The following PHF20L1 variants were observed in gnomAD, a reference collection of about 807,000 sequenced individuals.
The protein encoded by PHF20L1 is PHD finger protein 20 like 1.
A neutral mutation model predicts 125.5 loss-of-function variants in PHF20L1; 44 were observed. That is an observed-to-expected ratio of 0.35 (90% CI 0.28 to 0.45). The LOEUF (loss-of-function observed/expected upper bound fraction) is 0.45. Among genes scored for constraint, PHF20L1 ranks in the 20% least tolerant of loss-of-function variants. PHF20L1 has a pLI of 1.00. For synonymous variants in PHF20L1, 380 were observed against 403.1 expected (o/e 0.94, Z 0.69); for missense variants, 1,012 against 1,217.2 (o/e 0.83, Z 2.51).
chr8:132,847,000 A>G lies in PHF20L1; in HGVS notation c.*1077A>G, dbSNP rs186361353. 9 of 152,658 alleles carry G rather than the reference A, an allele frequency of 5.9e-5. No individual in the cohort carries two copies. The highest frequency in any genetic ancestry group is 1.3e-4 in the Admixed American group (2 of 15,274). The allele number at this position is 152,658 out of a possible 1,614,324, so 9.5% of individuals were successfully genotyped here. ...AAATACATGCACACTCAAAACTTTT[A>G]GCTTTGATCACAAGTGGACAAATTT... On this transcript the variant is annotated 3_prime_UTR_variant, in exon 21 of 21. Coordinates refer to ENST00000395386, the MANE Select transcript of PHF20L1 (RefSeq NM_016018.5).
At position 132,845,830 on chromosome 8, in the gene PHF20L1, T is replaced by C. The variant is rs1838383513; in HGVS notation, c.2961T>C (p.Pro987=). 6.2e-7 allele frequency: 1 copy of C among 1,610,216 alleles called. No homozygotes were observed. The highest frequency in any genetic ancestry group is 8.5e-7 in the Non-Finnish European group (1 of 1,176,764). ...DFTGELEPPD[P]LARLPQLKRH... is the part of the protein sequence containing the mutation. ...CAGGGGAGTTGGAGCCACCAGATCC[T>C]CTTGCAAGATTGCCCCAACTTAAAC... is the stretch of plus-strand genomic sequence containing the variant. Residue 987 remains proline, a synonymous_variant, in exon 21 of 21, where the codon CCT becomes CCC. Coordinates refer to ENST00000395386, the MANE Select transcript of PHF20L1 (RefSeq NM_016018.5).
At chr8:132,834,459 G>T (rs982925311) in intron 15 of PHF20L1, among the ~76,000 whole-genome samples, 1 of 151,962 alleles carries the variant, frequency 6.6e-6, no homozygotes. Flanking sequence ...TCAGCCTCCT[G>T]AGTAGCTAAG....
intron 17 of PHF20L1, 91 bp from the exon 18 acceptor site, chr8:132,839,296 T>C (rs1837690536): frequency 1.0e-6 from 1 of 969,738 alleles, no homozygotes; most frequent in South Asian, 1.5e-5. Context: ...AGAGCTTGCC[T>C]TGCTTAATGA....
At chr8:132,797,725 G>C (rs1832573297) in intron 4 of PHF20L1, among the ~76,000 whole-genome samples, 1 of 151,288 alleles carries the variant, frequency 6.6e-6, no homozygotes, top group Non-Finnish European at 1.5e-5. Context: ...ATTATAGAAA[G>C]AAATAAAATC....
At position 132,817,488 on chromosome 8, in the gene PHF20L1, C is replaced by G. The variant is rs139612088; in HGVS notation, c.1522C>G (p.Leu508Val). Residue 508 changes from leucine to valine, a missense_variant, in exon 12 of 21, where the codon CTT (leucine) becomes GTT (valine). Around this residue, in one of 7 missense-constraint regions of PHF20L1, gnomAD observed 320 missense variants for 293.8 expected, o/e 1.09. Transcript: ENST00000395386. The stretch of plus-strand genomic sequence containing the variant: ...GGCAGAAAAAGAGGATACACAGATG[C>G]TTCCAAATCCTTCTTCCAAAGCAAT... ...PRAEKEDTQM[L>V]PNPSSKAIAD... 38 of 1,612,112 alleles carry G rather than the reference C, an allele frequency of 2.4e-5. No homozygotes were observed. In the African/African-American group the frequency reaches 4.9e-4, roughly 21 times the overall value.
intron 1 of PHF20L1, among the ~76,000 whole-genome samples, chr8:132,777,480 G>T (rs1342174580): frequency 6.6e-6 from 1 of 152,148 alleles, no homozygotes; most frequent in Non-Finnish European, 1.5e-5. Context: ...GAATTTTCTT[G>T]GGTATCTGGA....
At chr8:132,775,677 C>A (rs936748104) in intron 1 of PHF20L1, 32 bp downstream of exon 1, 1 of 330,674 alleles carries the variant, frequency 3.0e-6, no homozygotes, top group East Asian at 4.6e-5. Context: ...GCCGGCAGGC[C>A]GCCTGGCCCC....
At chr8:132,788,374 T>TTATAAAATTA (rs1243391553) in intron 2 of PHF20L1, among the ~76,000 whole-genome samples, 3 of 152,148 alleles carry the variant, frequency 2.0e-5, no homozygotes, top group Admixed American at 2.0e-4. Flanking sequence ...TTGAGGCAGT[T>TTATAAAATTA]TATAAAATTA....
At chr8:132,819,976 C>T (rs945344668) in intron 12 of PHF20L1, among the ~76,000 whole-genome samples, 1 of 151,742 alleles carries the variant, frequency 6.6e-6, no homozygotes, top group Non-Finnish European at 1.5e-5. Flanking sequence ...GCATTTGATG[C>T]TGAAGGATTG....
At chr8:132,811,885 G>A (rs1586957107) in intron 9 of PHF20L1, 1 of 976,274 alleles carries the variant, frequency 1.0e-6, no homozygotes, top group Non-Finnish European at 1.2e-6. Flanking sequence ...TATCCTTTTT[G>A]TATTACTTTT....
chr8:132,818,039 C>T (rs1267901693), intron 12 of PHF20L1: 1 of 152,092 alleles, frequency 6.6e-6, no homozygotes, highest in Admixed American at 6.6e-5. Flanking sequence ...TTGAGGAGTG[C>T]AATATGTAAA....
chr8:132,832,228 G>A lies in PHF20L1; in HGVS notation c.1745-7G>A, dbSNP rs747916322. The A allele has an allele frequency of 5.2e-6, 8 of 1,543,500 alleles. No homozygotes were observed. Among genetic ancestry groups the A allele is most frequent in the Non-Finnish European group, 7.2e-6 (8 of 1,117,228 alleles). On this transcript the variant is annotated splice_region_variant and splice_polypyrimidine_tract_variant and intron_variant, in intron 14 of 20. Coordinates refer to ENST00000395386, the MANE Select transcript of PHF20L1 (RefSeq NM_016018.5). ...ATTAATATTTCTTTCTGTATCTTAT[G>A]TTGCAGACTATTCAGACTATGAAGA...
chr8:132,782,434 A>G (rs1423950845), intron 2 of PHF20L1, among the ~76,000 whole-genome samples: 1 of 152,214 alleles, frequency 6.6e-6, no homozygotes, highest in African/African-American at 2.4e-5. Context: ...AGGTAAATGC[A>G]AGGGGAGAGG....
At position 132,836,642 on chromosome 8, in the gene PHF20L1, C is replaced by T; in HGVS notation, c.2012C>T (p.Ser671Phe). 1.2e-6 allele frequency: 2 copies of T among 1,612,978 alleles called. No homozygotes were observed. The highest frequency in any genetic ancestry group is 1.7e-6 in the Non-Finnish European group (2 of 1,179,204). ...TTTGATTCAACCAATTTTGAGGAAT[C>T]TCAGGATGAGGATGATGCTCTTAAT... ...QDFDSTNFEE[S>F]QDEDDALNEI... The change falls in exon 16 of 21, where the codon TCT becomes TTT. Residue 671 changes from serine (S) to phenylalanine (F), a missense_variant. Around this residue, in one of 7 missense-constraint regions of PHF20L1, gnomAD observed 320 missense variants for 293.8 expected, o/e 1.09. Coordinates refer to ENST00000395386, the MANE Select transcript of PHF20L1 (RefSeq NM_016018.5).
chr8:132,803,122 C>T (rs1833281927), intron 6 of PHF20L1, among the ~76,000 whole-genome samples: 1 of 151,184 alleles, frequency 6.6e-6, no homozygotes, highest in South Asian at 2.1e-4. Context: ...ATATTTGTAC[C>T]TCAGAAGAAT....
At chr8:132,779,348 T>C (rs969164585) in intron 2 of PHF20L1, among the ~76,000 whole-genome samples, 1 of 152,222 alleles carries the variant, frequency 6.6e-6, no homozygotes, top group African/African-American at 2.4e-5. Flanking sequence ...AACTCAGCAT[T>C]AGACCATGCA....
chr8:132,839,695 T>G, intron 18 of PHF20L1, 113 bp downstream of exon 18: 1 of 696,998 alleles, frequency 1.4e-6, no homozygotes, highest in East Asian at 2.7e-5. Flanking sequence ...AGAACAGGTA[T>G]TTGAATAAAG....
chr8:132,798,995 C>T (rs2131508561), intron 5 of PHF20L1, 100 bp from the exon 6 acceptor site: 2 of 1,166,232 alleles, frequency 1.7e-6, no homozygotes, highest in African/African-American at 1.5e-5. Flanking sequence ...CAAATAGCAG[C>T]AAGAAAAGGA....
In PHF20L1 at chr8:132,816,165, A is replaced by G. The variant is rs533610568; in HGVS notation, c.1184-723A>G. On this transcript the variant is annotated intron_variant, in intron 10 of 20. Transcript: ENST00000395386. Reference sequence around the variant, plus strand: ...TGTTTGTATGCCATGTAGAAAGAAGATATCTAAAAGTGTGAGAGACATTTC... The same window carrying G: ...TGTTTGTATGCCATGTAGAAAGAAGGTATCTAAAAGTGTGAGAGACATTTC... 8.9e-4 allele frequency: 136 copies of G among 152,020 alleles called. 2 individuals are homozygous for G. Among genetic ancestry groups the G allele is most frequent in the Admixed American group, 2.6e-3 (40 of 15,214 alleles). 9.4% of individuals were successfully genotyped at this position (152,020 alleles called of 1,614,324 possible). A position where few individuals can be genotyped will look rare whatever the true frequency, so the allele number is the denominator to read the frequency against.
Sources: gnomAD v4.1 joint callset for allele counts (sites outside exome capture counted in the v4.1 genomes callset) on GRCh38, gnomAD v4.1.1 for gene constraint, gnomAD v4.1.1 regional missense constraint, MANE v1.5 for transcripts, NCBI Gene and HGNC (gene_info 2026-07-23, HGNC 2026-07-21) for gene names.